PIK3CD: variants seen among roughly 807,000 people sequenced by gnomAD.
PIK3CD encodes the protein phosphatidylinositol 4,5-bisphosphate 3-kinase catalytic subunit delta isoform.
PIK3CD carries 20 observed loss-of-function variants against 122.9 expected under a neutral mutation model. The observed-to-expected ratio is 0.16, with a 90% CI of 0.11 to 0.24. PIK3CD has a LOEUF of 0.24. Among genes scored for constraint, PIK3CD ranks in the 10% least tolerant of loss-of-function variants. PIK3CD has a pLI of 1.00. For missense variants in PIK3CD, 787 were observed against 1,406.3 expected (o/e 0.56, Z 7.04); for synonymous variants, 596 against 593.4 (o/e 1.00, Z -0.06).
In PIK3CD at chr1:9,715,578, A is replaced by ACATG; in HGVS notation, c.181_184dup (p.Leu62HisfsTer31). 6.2e-7 allele frequency: 1 copy of ACATG among 1,613,700 alleles called. No individual in the cohort carries two copies. The highest frequency in any genetic ancestry group is 8.5e-7 in the Non-Finnish European group (1 of 1,180,024). ...CGCGCCCAGTATGAGCCGCTCTTCCACATGCTCAGTGGCCCCGAGGCCTAT... is the reference window on the plus strand; with the variant it reads ...CGCGCCCAGTATGAGCCGCTCTTCCACATGCATGCTCAGTGGCCCCGAGGCCTAT... On this transcript the variant is annotated frameshift_variant, in exon 4 of 24. Transcript: ENST00000377346. LOFTEE classifies it high-confidence loss of function. This position sits in a 1 kb window ranked among gnomAD's most constrained non-coding sequence, Gnocchi z 4.1.
chr1:9,713,957 AT>A (rs1647161639), intron 3 of PIK3CD, among the ~76,000 whole-genome samples: 1 of 150,274 alleles, frequency 6.7e-6, no homozygotes, highest in African/African-American at 2.5e-5. Flanking sequence ...GGCTCAAATG[AT>A]TCCCCCATCT....
chr1:9,636,886 T>A, the PIK3CD span, among the ~76,000 whole-genome samples: 4 of 137,232 alleles, frequency 2.9e-5, no homozygotes, highest in African/African-American at 1.3e-4. Flanking sequence ...GGTTTCTTTT[T>A]TTTCTTTTCT....
chr1:9,708,027 C>G (rs1285212874), intron 2 of PIK3CD, among the ~76,000 whole-genome samples: 1 of 151,934 alleles, frequency 6.6e-6, no homozygotes, highest in Non-Finnish European at 1.5e-5. Context: ...ATCTCCTGAC[C>G]TCGTGATCCA....
At chr1:9,725,175 T>C (rs1247741292) in intron 23 of PIK3CD, among the ~76,000 whole-genome samples, 1 of 152,206 alleles carries the variant, frequency 6.6e-6, no homozygotes, top group Admixed American at 6.5e-5. Context: ...TGACCTCTCC[T>C]GGTTGGGGTG....
chr1:9,717,205 G>C lies in PIK3CD; in HGVS notation c.930+97G>C, dbSNP rs546455688. ...CTGGCCATGGGTCCAGGGGCCCTTG[G>C]TATGGAGAGCTGGGGCTTTGAGCTG... On this transcript the variant is annotated intron_variant, in intron 7 of 23. Coordinates refer to ENST00000377346, the MANE Select transcript of PIK3CD (RefSeq NM_005026.5). This position sits in a 1 kb window ranked among gnomAD's most constrained non-coding sequence, Gnocchi z 5.4. 21 of 1,465,620 alleles carry C rather than the reference G, an allele frequency of 1.4e-5. No individual in the cohort carries two copies. In the African/African-American group the frequency reaches 2.6e-4, roughly 18 times the overall value. 90.8% of individuals were successfully genotyped at this position (1,465,620 alleles called of 1,614,324 possible). A position where few individuals can be genotyped will look rare whatever the true frequency, so the allele number is the denominator to read the frequency against.
the PIK3CD span, among the ~76,000 whole-genome samples, chr1:9,646,097 G>T: frequency 2.0e-4 from 31 of 152,094 alleles, no homozygotes; most frequent in African/African-American, 7.2e-4. Flanking sequence ...TAGGACAGAG[G>T]CCTAACGAGA....
rs964857770 is a variant in PIK3CD, at chr1:9,724,884, G to A, written c.2945G>A (p.Arg982Gln). The A allele has an allele frequency of 6.8e-6, 11 of 1,613,856 alleles. No individual in the cohort carries two copies. The highest frequency in any genetic ancestry group is 3.3e-5 in the Admixed American group (2 of 60,006). Residue 982 changes from arginine to glutamine, a missense_variant, in exon 23 of 24, where the codon CGG becomes CAG. Coordinates refer to ENST00000377346, the MANE Select transcript of PIK3CD (RefSeq NM_005026.5). The surrounding 1 kb of genome is among the most constrained non-coding windows in gnomAD (Gnocchi z 7.3). ...LLFLHLFALM[R>Q]AAGLPELSCS... Reference sequence around the variant, plus strand: ...TTCCTCCACCTCTTTGCCCTGATGCGGGCGGCAGGCCTGCCTGAGCTCAGC... The same window carrying A: ...TTCCTCCACCTCTTTGCCCTGATGCAGGCGGCAGGCCTGCCTGAGCTCAGC...
chr1:9,628,632 C>A, the PIK3CD span, among the ~76,000 whole-genome samples: 1 of 152,174 alleles, frequency 6.6e-6, no homozygotes, highest in African/African-American at 2.4e-5. Flanking sequence ...AGTGACCGGG[C>A]AGACTGCCTT....
In PIK3CD at chr1:9,722,538, G is replaced by A. The variant is rs1188734370; in HGVS notation, c.2358G>A (p.Gln786=). 5 of 1,613,586 alleles carry A rather than the reference G, an allele frequency of 3.1e-6. No individual in the cohort carries two copies. Among genetic ancestry groups the A allele is most frequent in the Non-Finnish European group, 4.2e-6 (5 of 1,179,928 alleles). The part of the protein sequence containing the change: ...IIFKNGDDLR[Q]DMLTLQMIQL... ...CGGCCGGTGGCACAGACCTCCGGCA[G>A]GACATGCTGACCCTGCAGATGATCC... is the stretch of plus-strand genomic sequence containing the variant. Residue 786 remains glutamine (Q), a synonymous_variant, in exon 19 of 24, where the codon CAG becomes CAA. Transcript: ENST00000377346. The surrounding 1 kb of genome is among the most constrained non-coding windows in gnomAD (Gnocchi z 7.6).
At chr1:9,675,646 C>T (rs549878935) in intron 1 of PIK3CD, among the ~76,000 whole-genome samples, 90 of 152,142 alleles carry the variant, frequency 5.9e-4, no homozygotes, top group Non-Finnish European at 1.0e-3. Flanking sequence ...GGGAGTCAGG[C>T]GGCTATGCAG....
At chr1:9,707,393 G>C (rs573848718) in intron 2 of PIK3CD, among the ~76,000 whole-genome samples, 1 of 150,262 alleles carries the variant, frequency 6.7e-6, no homozygotes, top group African/African-American at 2.5e-5. Context: ...AAGTTCAGGG[G>C]TACGTTGCAG....
chr1:9,721,778 C>T lies in PIK3CD; in HGVS notation c.1973C>T (p.Pro658Leu), dbSNP rs780565270. ...CCTTCCAGCTCCGAGATGCACGTGCCGTCGGTGGCCCTGCGCTTCGGCCTC... is the reference window on the plus strand; with the variant it reads ...CCTTCCAGCTCCGAGATGCACGTGCTGTCGGTGGCCCTGCGCTTCGGCCTC... ...FWHLRSEMHV[P>L]SVALRFGLIL... Residue 658 changes from proline (P) to leucine (L), a missense_variant, in exon 16 of 24, where the codon CCG (proline) becomes CTG (leucine). Pro to Leu is a moderately conservative substitution (Grantham distance 98). Coordinates refer to ENST00000377346, the MANE Select transcript of PIK3CD (RefSeq NM_005026.5). 7.4e-6 allele frequency: 12 copies of T among 1,613,096 alleles called. No homozygotes were observed. Among genetic ancestry groups the T allele is most frequent in the African/African-American group, 2.7e-5 (2 of 74,926 alleles).
intron 2 of PIK3CD, among the ~76,000 whole-genome samples, chr1:9,701,604 G>T (rs1379539410): frequency 6.7e-6 from 1 of 150,248 alleles, no homozygotes; most frequent in Non-Finnish European, 1.5e-5. Context: ...GGGAGGCGGG[G>T]ATTGCAGTGA....
At chr1:9,663,447 A>G (rs1057172315) in intron 1 of PIK3CD, among the ~76,000 whole-genome samples, 1 of 152,172 alleles carries the variant, frequency 6.6e-6, no homozygotes, top group Non-Finnish European at 1.5e-5. Context: ...CCAGATGGCC[A>G]TCTCAAGGGA....
At chr1:9,712,848 T>A (rs1647111115) in intron 3 of PIK3CD, among the ~76,000 whole-genome samples, 1 of 150,906 alleles carries the variant, frequency 6.6e-6, no homozygotes, top group Admixed American at 6.6e-5. Flanking sequence ...CCAGCCTGGG[T>A]AACATGACAA....
chr1:9,643,030 G>T, the PIK3CD span, among the ~76,000 whole-genome samples: 1 of 151,908 alleles, frequency 6.6e-6, no homozygotes, highest in Non-Finnish European at 1.5e-5. Context: ...GTCAAGCCAT[G>T]GTTACACCAC....
chr1:9,644,507 A>C, the PIK3CD span, among the ~76,000 whole-genome samples: 1 of 147,012 alleles, frequency 6.8e-6, no homozygotes. Context: ...GACGAGGAAG[A>C]CTCCGTCTCA....
At chr1:9,654,878 G>T (rs1644798130) in intron 1 of PIK3CD, among the ~76,000 whole-genome samples, 1 of 151,946 alleles carries the variant, frequency 6.6e-6, no homozygotes, top group South Asian at 2.1e-4. Flanking sequence ...TGGCCAACAT[G>T]GTGAATATCT....
intron 1 of PIK3CD, among the ~76,000 whole-genome samples, chr1:9,665,418 T>G (rs1474246187): frequency 2.0e-5 from 3 of 151,396 alleles, no homozygotes; most frequent in Admixed American, 6.6e-5. Flanking sequence ...CATGCCCGGC[T>G]AATTTTTTGT....
Sources: allele counts gnomAD v4.1 joint callset (sites outside exome capture counted in the v4.1 genomes callset), GRCh38; gene constraint gnomAD v4.1.1; non-coding constraint Gnocchi (gnomAD v3.1); transcripts MANE v1.5; gene names NCBI Gene and HGNC (gene_info 2026-07-23, HGNC 2026-07-21).